The following PLEKHA7 variants were observed in gnomAD, a reference collection of about 807,000 sequenced individuals.
The protein encoded by PLEKHA7 is pleckstrin homology domain-containing family A member 7.
In PLEKHA7, 104 loss-of-function variants were observed where a neutral mutation model predicts 170.0. The ratio of observed to expected loss-of-function variants is 0.61; its 90% CI spans 0.52 to 0.72. The LOEUF (loss-of-function observed/expected upper bound fraction) is 0.72, where lower values mean the gene tolerates loss of function less well. PLEKHA7 is among the 30% of genes least tolerant of loss of function. PLEKHA7 has a pLI of 0.00. For synonymous variants in PLEKHA7, 648 were observed against 660.8 expected, an observed-to-expected ratio of 0.98 and a Z score of 0.30; for missense variants, 1,615 against 1,671.7, an observed-to-expected ratio of 0.97 and a Z score of 0.59.
intron 9 of PLEKHA7, among the ~76,000 whole-genome samples, chr11:16,832,602 C>T (rs1245407534): frequency 6.6e-6 from 1 of 152,168 alleles, no homozygotes; most frequent in East Asian, 1.9e-4. Context: ...GCTAAATGCA[C>T]ACACACCCCA....
chr11:16,790,807 G>A lies in PLEKHA7; in HGVS notation c.3043C>T (p.Pro1015Ser). 1 of 1,608,438 alleles carries A rather than the reference G, an allele frequency of 6.2e-7. No homozygotes were observed. Among genetic ancestry groups the A allele is most frequent in the Non-Finnish European group, 8.5e-7 (1 of 1,177,632 alleles). The change falls in exon 21 of 27, where the codon CCA becomes TCA. Residue 1015 changes from proline (P) to serine (S), a missense_variant. By Grantham distance (74) the Pro-to-Ser change is moderately conservative. Coordinates refer to ENST00000531066, the MANE Select transcript of PLEKHA7 (RefSeq NM_001329630.2). The stretch of plus-strand genomic sequence containing the variant: ...GAGGGCCCTGCCTTACCTCTGCCTG[G>A]CAGCGTCTGGTACCTGCTCTCAGGG... The part of the protein sequence containing the change: ...VGPESRYQTL[P>S]GRGLSGSTSR...
rs191095476 is a variant in PLEKHA7 at position 16,879,295 on chromosome 11, A to G, written c.222-8113T>C. On this transcript the variant is annotated intron_variant, in intron 3 of 26. Transcript: ENST00000531066. ...TACTCCTTACTTATCTCCTACAGCA[A>G]AGAAGAATATTCATGGAGTAGGCAC... Among the ~76,000 whole-genome samples the G allele has an allele frequency of 1.1e-3, 166 of 152,220 alleles. 1 individual carries two copies. The highest frequency in any genetic ancestry group is 3.8e-3 in the African/African-American group (159 of 41,534).
intron 3 of PLEKHA7, among the ~76,000 whole-genome samples, chr11:16,907,501 C>T (rs28542664): frequency 2.6e-5 from 3 of 116,330 alleles, no homozygotes; most frequent in Non-Finnish European, 3.8e-5. Flanking sequence ...CCGCCCCGTC[C>T]GGGAGGGAGG....
At chr11:16,780,918 A>G (rs1590093864) in intron 26 of PLEKHA7, 1 of 905,498 alleles carries the variant, frequency 1.1e-6, no homozygotes, top group Non-Finnish European at 1.3e-6. Flanking sequence ...AGCAGGCAGA[A>G]GCACACCAGA....
intron 3 of PLEKHA7, among the ~76,000 whole-genome samples, chr11:16,904,139 C>G (rs1857510960): frequency 6.6e-6 from 1 of 152,248 alleles, no homozygotes; most frequent in Admixed American, 6.5e-5. Flanking sequence ...CCTTCATTGG[C>G]TTAAAACATT....
At chr11:16,904,760 A>C (rs1394098629) in intron 3 of PLEKHA7, among the ~76,000 whole-genome samples, 2 of 152,252 alleles carry the variant, frequency 1.3e-5, no homozygotes, top group East Asian at 3.8e-4. Flanking sequence ...TCATAAATAT[A>C]CTTTGCATAT....
At chr11:16,871,764 G>A (rs1247401786) in intron 3 of PLEKHA7, among the ~76,000 whole-genome samples, 1 of 152,066 alleles carries the variant, frequency 6.6e-6, no homozygotes, top group Admixed American at 6.6e-5. Flanking sequence ...TTTGAAGTTA[G>A]GAAGGATCAG....
chr11:16,790,495 A>G, intron 21 of PLEKHA7: 1 of 299,032 alleles, frequency 3.3e-6, no homozygotes, highest in Non-Finnish European at 6.3e-6. Flanking sequence ...GGATGACAGT[A>G]CTTTCCTCAT....
intron 8 of PLEKHA7, among the ~76,000 whole-genome samples, chr11:16,844,878 A>C (rs190475844): frequency 6.6e-6 from 1 of 152,370 alleles, no homozygotes; most frequent in East Asian, 1.9e-4. Context: ...GAACTTGCTC[A>C]ACAATAATGA....
chr11:16,977,816 C>A (rs927128772), intron 3 of PLEKHA7, among the ~76,000 whole-genome samples: 2 of 152,144 alleles, frequency 1.3e-5, no homozygotes, highest in African/African-American at 4.8e-5. Context: ...CCTAGCTGGG[C>A]AACTTAAGTA....
intron 17 of PLEKHA7, among the ~76,000 whole-genome samples, chr11:16,798,044 G>A (rs1014119374): frequency 1.3e-5 from 2 of 152,210 alleles, no homozygotes; most frequent in African/African-American, 4.8e-5. Context: ...GGGTAGAAAG[G>A]CTCCTATGTG....
intron 3 of PLEKHA7, among the ~76,000 whole-genome samples, chr11:16,906,263 GA>G (rs1219487158): frequency 1.4e-5 from 2 of 146,996 alleles, no homozygotes; most frequent in Admixed American, 6.8e-5. Context: ...AGGAAGGAAG[GA>G]AGGAAGGAAG....
intron 3 of PLEKHA7, among the ~76,000 whole-genome samples, chr11:16,925,970 T>C (rs1413480345): frequency 6.6e-6 from 1 of 152,250 alleles, no homozygotes; most frequent in Non-Finnish European, 1.5e-5. Context: ...TGCGCTGTTC[T>C]GGCGTCTAGC....
At chr11:16,966,735 G>T (rs185125442) in intron 3 of PLEKHA7, among the ~76,000 whole-genome samples, 26 of 151,890 alleles carry the variant, frequency 1.7e-4, no homozygotes, top group African/African-American at 6.0e-4. Context: ...AAACTCTGCA[G>T]GACTTTGTCA....
intron 26 of PLEKHA7, chr11:16,781,156 C>T (rs1013395199): frequency 1.3e-5 from 4 of 315,766 alleles, no homozygotes; most frequent in African/African-American, 6.8e-5. Context: ...GGCCCTGCTG[C>T]CCACCACGAA....
intron 3 of PLEKHA7, among the ~76,000 whole-genome samples, chr11:16,999,158 C>T (rs1864520623): frequency 6.6e-6 from 1 of 152,116 alleles, no homozygotes; most frequent in Non-Finnish European, 1.5e-5. Context: ...AGGACCAGCT[C>T]AGGGACAACT....
At chr11:16,934,085 G>A (rs1329342056) in intron 3 of PLEKHA7, among the ~76,000 whole-genome samples, 2 of 152,176 alleles carry the variant, frequency 1.3e-5, no homozygotes, top group African/African-American at 2.4e-5. Context: ...GACAGGAGAC[G>A]TGGAAGAAAG....
intron 21 of PLEKHA7, 170 bp from the exon 22 acceptor site, chr11:16,790,048 T>C: frequency 9.2e-6 from 6 of 651,142 alleles, no homozygotes; most frequent in South Asian, 7.4e-5. Flanking sequence ...CAATAGAGGA[T>C]GGGGGCCAGC....
chr11:16,998,842 GA>G (rs5789967), intron 3 of PLEKHA7, among the ~76,000 whole-genome samples: 60,030 of 149,106 alleles, frequency 0.4, 12,501 homozygotes, highest in East Asian at 0.57. Context: ...AAAATGTGTT[GA>G]AAAAAAAAAA....
Sources: gnomAD v4.1 joint callset for allele counts (sites outside exome capture counted in the v4.1 genomes callset) on GRCh38, gnomAD v4.1.1 for gene constraint, MANE v1.5 for transcripts, NCBI Gene and HGNC (gene_info 2026-07-23, HGNC 2026-07-21) for gene names.